Variants in ANKS1B observed in about 807,000 individuals in gnomAD.
ANKS1B encodes ankyrin repeat and sterile alpha motif domain containing 1B.
A neutral mutation model predicts 148.3 loss-of-function variants in ANKS1B; 36 were observed. The observed-to-expected ratio is 0.24, with a 90% CI of 0.19 to 0.32. The LOEUF is 0.32. Ranked by LOEUF, ANKS1B falls within the 10% of genes least tolerant of loss-of-function variation. The pLI is 1.00. For synonymous variants in ANKS1B, 542 were observed against 560.8 expected, an observed-to-expected ratio of 0.97 and a Z score of 0.47; for missense variants, 1,157 against 1,542.6, an observed-to-expected ratio of 0.75 and a Z score of 4.19.
intron 15 of ANKS1B, among the ~76,000 whole-genome samples, chr12:99,096,637 T>A (rs1001023381): frequency 1.1e-4 from 17 of 152,172 alleles, no homozygotes; most frequent in African/African-American, 4.8e-5. Context: ...AAAATTTGTA[T>A]CAGGGACACA....
intron 17 of ANKS1B, among the ~76,000 whole-genome samples, chr12:99,049,746 T>C (rs1030793955): frequency 2.6e-5 from 4 of 152,242 alleles, no homozygotes; most frequent in African/African-American, 9.6e-5. Flanking sequence ...ATTATTTTCA[T>C]GGGGCATGTG....
chr12:99,737,746 A>G (rs1349417522), intron 8 of ANKS1B, among the ~76,000 whole-genome samples: 3 of 151,962 alleles, frequency 2.0e-5, no homozygotes, highest in Non-Finnish European at 4.4e-5. Context: ...CCCTACCTGT[A>G]TAATACCTTT....
intron 12 of ANKS1B, among the ~76,000 whole-genome samples, chr12:99,289,150 T>C (rs1288233577): frequency 1.3e-5 from 2 of 151,770 alleles, no homozygotes; most frequent in Non-Finnish European, 2.9e-5. Flanking sequence ...AGTTTCAAGA[T>C]AAAAACTACA....
At chr12:99,426,095 G>A (rs2095249546) in intron 11 of ANKS1B, among the ~76,000 whole-genome samples, 1 of 152,266 alleles carries the variant, frequency 6.6e-6, no homozygotes, top group South Asian at 2.1e-4. Context: ...TGTGACAGAA[G>A]AAAGTGAAGT....
chr12:99,887,737 A>T (rs533625866), intron 1 of ANKS1B, among the ~76,000 whole-genome samples: 1 of 152,340 alleles, frequency 6.6e-6, no homozygotes, highest in Admixed American at 6.5e-5. Flanking sequence ...TCTACAATGA[A>T]TAGCCACTTG....
At chr12:99,496,067 C>CT (rs67784973) in intron 10 of ANKS1B, among the ~76,000 whole-genome samples, 22 of 151,966 alleles carry the variant, frequency 1.4e-4, no homozygotes, top group African/African-American at 3.4e-4. Flanking sequence ...TGAATGTGTC[C>CT]TTTTTTTATC....
At chr12:99,518,213 G>A (rs563153916) in intron 9 of ANKS1B, among the ~76,000 whole-genome samples, 403 of 152,138 alleles carry the variant, frequency 2.6e-3, no homozygotes, top group Admixed American at 5.6e-3. Flanking sequence ...TGGTATCAGG[G>A]TAATGCTGGT....
chr12:98,948,946 A>ATTTTTTTTTTTTTTTT (rs1567958669), intron 17 of ANKS1B, among the ~76,000 whole-genome samples: 1 of 89,178 alleles, frequency 1.1e-5, no homozygotes, highest in African/African-American at 8.1e-5. Context: ...AGCATGAGCT[A>ATTTTTTTTTTTTTTTT]CTTTTTTTTT....
chr12:98,856,904 A>G (rs2099574598), intron 17 of ANKS1B, among the ~76,000 whole-genome samples: 1 of 152,206 alleles, frequency 6.6e-6, no homozygotes, highest in Non-Finnish European at 1.5e-5. Context: ...CATTAAGTAA[A>G]CACTGCTGGG....
intron 17 of ANKS1B, among the ~76,000 whole-genome samples, chr12:99,042,208 G>A (rs1230122433): frequency 1.3e-5 from 2 of 152,156 alleles, no homozygotes; most frequent in Non-Finnish European, 2.9e-5. Flanking sequence ...CTCCCAAGCT[G>A]ATTTTGAGTT....
At chr12:99,626,758 A>G (rs2098115760) in intron 9 of ANKS1B, among the ~76,000 whole-genome samples, 1 of 152,190 alleles carries the variant, frequency 6.6e-6, no homozygotes, top group South Asian at 2.1e-4. Flanking sequence ...GTAAGGAGCA[A>G]GATATCAGGA....
intron 17 of ANKS1B, among the ~76,000 whole-genome samples, chr12:98,882,850 C>A: frequency 6.6e-6 from 1 of 151,886 alleles, no homozygotes; most frequent in East Asian, 1.9e-4. Context: ...TATTAAGATA[C>A]AACAGCTAAC....
In ANKS1B at chr12:98,744,918, A is replaced by G. The variant is rs1156835640; in HGVS notation, c.*821T>C. 51 of 985,640 alleles carry G rather than the reference A, an allele frequency of 5.2e-5. No individual in the cohort carries two copies. Among genetic ancestry groups the G allele is most frequent in the Non-Finnish European group, 6.0e-5 (50 of 829,914 alleles). 61.1% of individuals were successfully genotyped at this position (985,640 alleles called of 1,614,324 possible). ...TAGGGAGCATCACCAGTATTTTGCC[A>G]CCACTGAGCCAGTCCTCTTGGTAGT... On this transcript the variant is annotated 3_prime_UTR_variant, in exon 27 of 27. Coordinates refer to ENST00000683438, the MANE Select transcript of ANKS1B (RefSeq NM_001352186.2).
chr12:99,718,060 C>T (rs567999729), intron 8 of ANKS1B, among the ~76,000 whole-genome samples: 1,961 of 151,710 alleles, frequency 0.013, 25 homozygotes, highest in Non-Finnish European at 0.019. Context: ...CCCGCTACCA[C>T]GCCCGGCTAA....
intron 12 of ANKS1B, among the ~76,000 whole-genome samples, chr12:99,269,589 CACT>C (rs1295766924): frequency 6.6e-6 from 1 of 152,022 alleles, no homozygotes; most frequent in Non-Finnish European, 1.5e-5. Flanking sequence ...GACGGAGTCT[CACT>C]CTGTTGCTCA....
chr12:99,733,828 C>T (rs1242896906), intron 8 of ANKS1B, among the ~76,000 whole-genome samples: 1 of 152,160 alleles, frequency 6.6e-6, no homozygotes, highest in Non-Finnish European at 1.5e-5. Flanking sequence ...TCTCTTCCAC[C>T]TAACCTGCCC....
chr12:99,507,277 G>A (rs899666044), intron 9 of ANKS1B, among the ~76,000 whole-genome samples: 5 of 151,814 alleles, frequency 3.3e-5, no homozygotes, highest in African/African-American at 9.7e-5. Flanking sequence ...AACAACCCAT[G>A]GATTTAGTTA....
chr12:99,097,255 C>CT (rs1205951221), intron 15 of ANKS1B: 2 of 152,068 alleles, frequency 1.3e-5, no homozygotes, highest in Non-Finnish European at 2.9e-5. Flanking sequence ...TTTTTCCCCC[C>CT]TAATTGAAAG....
At chr12:99,290,738 A>C (rs1488668457) in intron 12 of ANKS1B, among the ~76,000 whole-genome samples, 1 of 152,064 alleles carries the variant, frequency 6.6e-6, no homozygotes, top group Non-Finnish European at 1.5e-5. Context: ...CATAATAAAA[A>C]CTCTCAAAAA....
Sources: gnomAD v4.1 joint callset for allele counts (sites outside exome capture counted in the v4.1 genomes callset) on GRCh38, gnomAD v4.1.1 for gene constraint, MANE v1.5 for transcripts, NCBI Gene and HGNC (gene_info 2026-07-23, HGNC 2026-07-21) for gene names.